Variants in NFIB observed in about 807,000 individuals in gnomAD.
NFIB encodes nuclear factor 1 B-type.
Under a neutral mutation model 61.5 loss-of-function variants are expected in NFIB, and 11 were observed. The observed-to-expected ratio is 0.18, with a 90% CI of 0.11 to 0.30. The LOEUF (loss-of-function observed/expected upper bound fraction) is 0.30. NFIB is among the 10% of genes least tolerant of loss of function. NFIB has a pLI of 1.00. For synonymous variants in NFIB, 260 were observed against 216.5 expected (o/e 1.20, Z -1.76); for missense variants, 471 against 608.9 (o/e 0.77, Z 2.38).
intron 2 of NFIB, among the ~76,000 whole-genome samples, chr9:14,185,119 G>A (rs2131496181): frequency 6.6e-6 from 1 of 152,172 alleles, no homozygotes; most frequent in South Asian, 2.1e-4. Flanking sequence ...TAGAAGCTCA[G>A]AGGCTGCCTG....
At chr9:14,481,255 T>C in the NFIB span, among the ~76,000 whole-genome samples, 1 of 112,490 alleles carries the variant, frequency 8.9e-6, no homozygotes, top group Non-Finnish European at 1.9e-5. Flanking sequence ...CCCAGCTTCA[T>C]GGTTGGGGTA....
At chr9:14,347,919 C>G (rs1167583671) in intron 1 of NFIB, among the ~76,000 whole-genome samples, 2 of 152,174 alleles carry the variant, frequency 1.3e-5, no homozygotes, top group Non-Finnish European at 2.9e-5. Flanking sequence ...TTTGGAGCGA[C>G]GCGCGTAGTT....
At chr9:14,374,237 T>G (rs554488540) in intron 1 of NFIB, among the ~76,000 whole-genome samples, 117 of 152,380 alleles carry the variant, frequency 7.7e-4, no homozygotes, top group Middle Eastern at 3.4e-3. Flanking sequence ...AATTATTTTC[T>G]TTTATTCAGG....
intron 1 of NFIB, among the ~76,000 whole-genome samples, chr9:14,360,045 G>A (rs767767841): frequency 6.6e-6 from 1 of 152,068 alleles, no homozygotes; most frequent in Non-Finnish European, 1.5e-5. Context: ...GTGCTCATCT[G>A]CACAGAGAGC....
chr9:14,444,383 AC>A, the NFIB span, among the ~76,000 whole-genome samples: 1 of 152,248 alleles, frequency 6.6e-6, no homozygotes, highest in East Asian at 1.9e-4. Flanking sequence ...TTCAAATGGC[AC>A]TCTCTAGAAG....
the NFIB span, among the ~76,000 whole-genome samples, chr9:14,485,470 C>A: frequency 6.6e-6 from 1 of 152,200 alleles, no homozygotes; most frequent in Non-Finnish European, 1.5e-5. Flanking sequence ...ATACAATACA[C>A]CACAAAGAAT....
At chr9:14,288,531 G>A (rs2058865071) in intron 2 of NFIB, among the ~76,000 whole-genome samples, 1 of 151,886 alleles carries the variant, frequency 6.6e-6, no homozygotes, top group African/African-American at 2.4e-5. Context: ...GTAGACTCTT[G>A]GTTATCTGTT....
rs1441458326 is a variant in NFIB at position 14,116,355 on chromosome 9, C to G, written c.1246-9G>C. On this transcript the variant is annotated splice_polypyrimidine_tract_variant and intron_variant, in intron 8 of 10. Transcript: ENST00000380953. ...TGACCACTGCCGTTAGGCTACAAAACAAAAACAGAATGCCGGGTGAAGCAA... is the reference window on the plus strand; with the variant it reads ...TGACCACTGCCGTTAGGCTACAAAAGAAAAACAGAATGCCGGGTGAAGCAA... 3 of 1,493,296 alleles carry G rather than the reference C, an allele frequency of 2.0e-6. No homozygotes were observed. In the African/African-American group the frequency reaches 4.2e-5, roughly 21 times the overall value. The allele number at this position is 1,493,296 out of a possible 1,614,324, so 92.5% of individuals were successfully genotyped here.
chr9:14,488,362 CA>C, the NFIB span, among the ~76,000 whole-genome samples: 33,267 of 128,078 alleles, frequency 0.26, 4,823 homozygotes, highest in African/African-American at 0.46. Flanking sequence ...GACCTTGTCT[CA>C]AAAAAAAAAA....
At chr9:14,199,551 T>C (rs2048801801) in intron 2 of NFIB, among the ~76,000 whole-genome samples, 2 of 152,244 alleles carry the variant, frequency 1.3e-5, no homozygotes. Context: ...TCTTAGAATG[T>C]TAAGAGCTGG....
intron 1 of NFIB, among the ~76,000 whole-genome samples, chr9:14,381,142 G>A (rs2061484326): frequency 6.6e-6 from 1 of 150,644 alleles, no homozygotes; most frequent in Non-Finnish European, 1.5e-5. Context: ...TATTTGGTGT[G>A]AATCTGTACA....
the NFIB span, among the ~76,000 whole-genome samples, chr9:14,412,040 G>A: frequency 1.8e-4 from 28 of 152,182 alleles, no homozygotes; most frequent in Non-Finnish European, 3.5e-4. Flanking sequence ...CTGCAGCCCT[G>A]GCTGACACCT....
intron 2 of NFIB, among the ~76,000 whole-genome samples, chr9:14,272,522 AT>A (rs2057700888): frequency 6.6e-6 from 1 of 152,124 alleles, no homozygotes. Flanking sequence ...TATCTTTAGT[AT>A]TAAAAGAACT....
Position 14,083,434 on chromosome 9 carries a change from A to G in NFIB, c.*4875T>C. 4.6e-6 allele frequency: 1 copy of G among 215,268 alleles called. No homozygotes were observed. The highest frequency in any genetic ancestry group is 9.3e-6 in the Non-Finnish European group (1 of 107,756). The allele number at this position is 215,268 out of a possible 1,614,324, so 13.3% of individuals were successfully genotyped here. A position where few individuals can be genotyped will look rare whatever the true frequency, so the allele number is the denominator to read the frequency against. Reference sequence around the variant, plus strand: ...CAGCTCCTTCAGCATGGAGTAGAACATTCATTTTTGAGCTTTTACTATTGA... The same window carrying G: ...CAGCTCCTTCAGCATGGAGTAGAACGTTCATTTTTGAGCTTTTACTATTGA... On this transcript the variant is annotated 3_prime_UTR_variant, in exon 11 of 11. Coordinates refer to ENST00000380953, the MANE Select transcript of NFIB (RefSeq NM_001190737.2).
chr9:14,520,101 T>C, the NFIB span, among the ~76,000 whole-genome samples: 7 of 151,830 alleles, frequency 4.6e-5, no homozygotes, highest in Non-Finnish European at 8.8e-5. Context: ...TGAGGCACAA[T>C]AGATATTATC....
chr9:14,501,885 G>A, the NFIB span, among the ~76,000 whole-genome samples: 1,956 of 152,330 alleles, frequency 0.013, 37 homozygotes, highest in African/African-American at 0.043. Context: ...AGAGGGAAAA[G>A]TAGATGGAAG....
intron 1 of NFIB, among the ~76,000 whole-genome samples, chr9:14,397,678 A>C (rs1033109802): frequency 1.8e-4 from 28 of 152,184 alleles, no homozygotes; most frequent in African/African-American, 6.5e-4. Context: ...CTTTCAACTT[A>C]ATAAGAGAAA....
At chr9:14,184,020 C>T (rs1171294146) in intron 2 of NFIB, among the ~76,000 whole-genome samples, 1 of 152,154 alleles carries the variant, frequency 6.6e-6, no homozygotes, top group African/African-American at 2.4e-5. Context: ...CATGCACGAC[C>T]CTTACCAACT....
intron 2 of NFIB, among the ~76,000 whole-genome samples, chr9:14,229,510 G>A (rs1245707390): frequency 6.6e-6 from 1 of 152,086 alleles, no homozygotes; most frequent in Non-Finnish European, 1.5e-5. Context: ...AATATAAACT[G>A]GAGATAAAAT....
Sources: gnomAD v4.1 joint callset for allele counts (sites outside exome capture counted in the v4.1 genomes callset) on GRCh38, gnomAD v4.1.1 for gene constraint, MANE v1.5 for transcripts, NCBI Gene and HGNC (gene_info 2026-07-23, HGNC 2026-07-21) for gene names.